The following SGCZ variants were observed in gnomAD, a reference collection of about 807,000 sequenced individuals.
SGCZ encodes zeta-sarcoglycan.
In SGCZ, 40 loss-of-function variants were observed where a neutral mutation model predicts 41.3. The ratio of observed to expected loss-of-function variants is 0.97; its 90% CI spans 0.75 to 1.26. The LOEUF (loss-of-function observed/expected upper bound fraction) is 1.26. SGCZ is among the 50% of genes most tolerant of loss of function. The pLI is 0.00. For missense variants in SGCZ, 552 were observed against 369.8 expected, an observed-to-expected ratio of 1.49 and a Z score of -4.04; for synonymous variants, 206 against 137.5, an observed-to-expected ratio of 1.50 and a Z score of -3.49.
intron 1 of SGCZ, among the ~76,000 whole-genome samples, chr8:14,647,669 T>C (rs1054064833): frequency 1.3e-5 from 2 of 152,006 alleles, no homozygotes; most frequent in Non-Finnish European, 1.5e-5. Context: ...AAATGTGTCA[T>C]TCAAATATAA....
intron 5 of SGCZ, among the ~76,000 whole-genome samples, chr8:14,120,099 C>A (rs1240544172): frequency 1.3e-5 from 2 of 151,984 alleles, no homozygotes; most frequent in Non-Finnish European, 2.9e-5. Flanking sequence ...CACATTTATT[C>A]CTAGGGATAG....
intron 1 of SGCZ, among the ~76,000 whole-genome samples, chr8:14,607,239 T>C (rs1805781007): frequency 6.6e-6 from 1 of 152,168 alleles, no homozygotes; most frequent in South Asian, 2.1e-4. Context: ...AGTCTTTTGT[T>C]TCCCAATGGT....
At chr8:15,161,842 C>T (rs1299215877) in intron 1 of SGCZ, among the ~76,000 whole-genome samples, 4 of 152,192 alleles carry the variant, frequency 2.6e-5, no homozygotes, top group African/African-American at 9.6e-5. Context: ...CAAGACCAGC[C>T]TGGGCAACAT....
intron 1 of SGCZ, among the ~76,000 whole-genome samples, chr8:14,600,502 T>C (rs1805556087): frequency 6.6e-6 from 1 of 152,136 alleles, no homozygotes; most frequent in African/African-American, 2.4e-5. Context: ...AGTTAAGGGC[T>C]CTCTCAGTGC....
chr8:14,493,024 C>G (rs978200434), intron 2 of SGCZ, among the ~76,000 whole-genome samples: 4 of 152,162 alleles, frequency 2.6e-5, no homozygotes, highest in Non-Finnish European at 5.9e-5. Context: ...GTGACCACCT[C>G]TAAAGTGCTC....
At chr8:14,956,039 CTTTTTT>C (rs71884770) in intron 1 of SGCZ, among the ~76,000 whole-genome samples, 1 of 120,226 alleles carries the variant, frequency 8.3e-6, no homozygotes, top group Non-Finnish European at 1.7e-5. Context: ...ACTACTTTTA[CTTTTTT>C]TTTTTTTTTT....
intron 1 of SGCZ, among the ~76,000 whole-genome samples, chr8:14,752,775 A>G (rs539630538): frequency 1.3e-5 from 2 of 152,352 alleles, no homozygotes; most frequent in Admixed American, 1.3e-4. Flanking sequence ...ATGATAGATT[A>G]GCTGAACCTC....
chr8:14,519,472 G>C (rs1418771984), intron 2 of SGCZ, among the ~76,000 whole-genome samples: 2 of 151,996 alleles, frequency 1.3e-5, no homozygotes, highest in African/African-American at 4.8e-5. Flanking sequence ...ATAATATAAT[G>C]TCTTATGAAC....
intron 3 of SGCZ, among the ~76,000 whole-genome samples, chr8:14,254,702 G>T (rs1193824932): frequency 6.6e-6 from 1 of 152,026 alleles, no homozygotes; most frequent in Non-Finnish European, 1.5e-5. Context: ...AAAGTGAAAT[G>T]AATATGCATA....
intron 5 of SGCZ, among the ~76,000 whole-genome samples, chr8:14,139,145 A>AG (rs1467453397): frequency 6.6e-6 from 1 of 152,166 alleles, no homozygotes; most frequent in African/African-American, 2.4e-5. Flanking sequence ...GAAACCAATG[A>AG]GAAAAAAAAG....
chr8:14,847,140 A>AGAAGAAGAG (rs1803151570), intron 1 of SGCZ, among the ~76,000 whole-genome samples: 4 of 128,782 alleles, frequency 3.1e-5, no homozygotes, highest in Non-Finnish European at 6.6e-5. Flanking sequence ...AAGAAGAAGA[A>AGAAGAAGAG]GAAGAAGAAG....
chr8:14,698,030 T>C (rs1015460234), intron 1 of SGCZ, among the ~76,000 whole-genome samples: 5 of 152,028 alleles, frequency 3.3e-5, no homozygotes, highest in Admixed American at 6.6e-5. Context: ...GGCCAACATT[T>C]CACATTTTGC....
chr8:14,631,814 G>T (rs76587748), intron 1 of SGCZ, among the ~76,000 whole-genome samples: 1 of 152,004 alleles, frequency 6.6e-6, no homozygotes, highest in African/African-American at 2.4e-5. Flanking sequence ...CCAAACACTT[G>T]AGAGGCCTTT....
intron 1 of SGCZ, among the ~76,000 whole-genome samples, chr8:14,791,732 T>C (rs368914134): frequency 1.8e-4 from 27 of 152,340 alleles, no homozygotes; most frequent in East Asian, 7.7e-4. Flanking sequence ...TCTGTAGTTC[T>C]GATCCAACCT....
In SGCZ at chr8:14,087,985, G is replaced by A. The variant is rs1195946091; in HGVS notation, c.*2458C>T. 6.6e-6 allele frequency among the ~76,000 whole-genome samples: 1 copy of A among 151,692 alleles called. No individual in the cohort carries two copies. Among genetic ancestry groups the A allele is most frequent in the Non-Finnish European group, 1.5e-5 (1 of 67,794 alleles). ...GCTCTCAAGCTTGTAAGTTACTTTT[G>A]AATTATGTCTATACTTCTCAGAATG... On this transcript the variant is annotated 3_prime_UTR_variant, in exon 8 of 8. Coordinates refer to ENST00000382080, the MANE Select transcript of SGCZ (RefSeq NM_139167.4).
chr8:14,434,717 T>C (rs2117347887), intron 2 of SGCZ, among the ~76,000 whole-genome samples: 1 of 152,244 alleles, frequency 6.6e-6, no homozygotes, highest in East Asian at 1.9e-4. Context: ...ATATTTTAAT[T>C]TTTTTTGCAA....
At chr8:15,120,471 A>T (rs1006711648) in intron 1 of SGCZ, among the ~76,000 whole-genome samples, 1 of 152,216 alleles carries the variant, frequency 6.6e-6, no homozygotes, top group Non-Finnish European at 1.5e-5. Context: ...AATACATACC[A>T]TTATCAAAGA....
At chr8:14,708,687 A>G (rs1020217528) in intron 1 of SGCZ, among the ~76,000 whole-genome samples, 18 of 152,140 alleles carry the variant, frequency 1.2e-4, no homozygotes, top group African/African-American at 4.3e-4. Flanking sequence ...ATTAACAAAC[A>G]TACTACTTTT....
At chr8:14,582,386 T>C (rs537990478) in intron 1 of SGCZ, among the ~76,000 whole-genome samples, 1 of 152,272 alleles carries the variant, frequency 6.6e-6, no homozygotes, top group East Asian at 1.9e-4. Flanking sequence ...ATGAAGTGTG[T>C]ATTTATGCAT....
Sources: gnomAD v4.1 joint callset for allele counts (sites outside exome capture counted in the v4.1 genomes callset) on GRCh38, gnomAD v4.1.1 for gene constraint, MANE v1.5 for transcripts, NCBI Gene and HGNC (gene_info 2026-07-23, HGNC 2026-07-21) for gene names.